The following NEMF variants were observed in gnomAD, a reference collection of about 807,000 sequenced individuals.
NEMF encodes the protein ribosome quality control complex subunit NEMF.
NEMF carries 89 observed loss-of-function variants against 162.2 expected under a neutral mutation model. The observed-to-expected ratio is 0.55, with a 90% CI of 0.46 to 0.65. The LOEUF (loss-of-function observed/expected upper bound fraction) is 0.65, where lower values mean the gene tolerates loss of function less well. NEMF is among the 30% of genes least tolerant of loss of function. The pLI, the probability that NEMF is intolerant of heterozygous loss-of-function variation, is 0.00. For synonymous variants in NEMF, 421 were observed against 404.5 expected, an observed-to-expected ratio of 1.04 and a Z score of -0.49; for missense variants, 1,133 against 1,261.9, an observed-to-expected ratio of 0.90 and a Z score of 1.55.
rs1354889603 is a variant in NEMF at position 49,829,538 on chromosome 14, T to A, written c.946-112A>T. On this transcript the variant is annotated intron_variant, in intron 11 of 32. Transcript: ENST00000298310. Reference sequence around the variant, plus strand: ...GACCCCATCTATGCTGTTATCTAGCTAGCTGAAGTTCCCATAGTCTACCAC... The same window carrying A: ...GACCCCATCTATGCTGTTATCTAGCAAGCTGAAGTTCCCATAGTCTACCAC... The A allele has an allele frequency of 3.5e-6, 3 of 861,386 alleles. No homozygotes were observed. In the Admixed American group the frequency reaches 7.1e-5, roughly 20 times the overall value. 53.4% of individuals were successfully genotyped at this position (861,386 alleles called of 1,614,324 possible). A position where few individuals can be genotyped will look rare whatever the true frequency, so the allele number is the denominator to read the frequency against.
chr14:49,821,998 CTATG>C (rs1372846739), intron 16 of NEMF, among the ~76,000 whole-genome samples: 4 of 152,114 alleles, frequency 2.6e-5, no homozygotes, highest in Admixed American at 1.3e-4. Flanking sequence ...TCCTGTTGAT[CTATG>C]ACCTTACCCC....
At chr14:49,801,597 AACAAT>A (rs1890959130) in intron 22 of NEMF, 1 of 152,198 alleles carries the variant, frequency 6.6e-6, no homozygotes, top group African/African-American at 2.4e-5. Context: ...TAGTAAATGA[AACAAT>A]GCAATATTAC....
At chr14:49,787,021 T>C in intron 28 of NEMF, 2 of 341,778 alleles carry the variant, frequency 5.9e-6, no homozygotes, top group East Asian at 5.0e-5. Context: ...ACTGAAACTT[T>C]CATATAAAGT....
chr14:49,833,517 G>C lies in NEMF; in HGVS notation c.662-21C>G, dbSNP rs200759203. ...AATATCTAATGGTGGGGGAAAAAAA[G>C]GAAAAAAGGAGTGCCAATCAAGTGT... On this transcript the variant is annotated intron_variant, in intron 7 of 32. Coordinates refer to ENST00000298310, the MANE Select transcript of NEMF (RefSeq NM_004713.6). The C allele has an allele frequency of 4.7e-4, 719 of 1,514,944 alleles. 1 individual carries two copies. The highest frequency in any genetic ancestry group is 6.0e-4 in the Non-Finnish European group (669 of 1,110,584). 93.8% of individuals were successfully genotyped at this position (1,514,944 alleles called of 1,614,324 possible). A position where few individuals can be genotyped will look rare whatever the true frequency, so the allele number is the denominator to read the frequency against.
chr14:49,851,717 T>C (rs1566718274), intron 2 of NEMF, 52 bp from the exon 3 acceptor site: 1 of 1,510,168 alleles, frequency 6.6e-7, no homozygotes, highest in East Asian at 2.3e-5. Flanking sequence ...CAAAGCTAAT[T>C]GCTAAACAGG....
rs746208387 is a variant in NEMF at position 49,840,801 on chromosome 14, C to T, written c.423G>A (p.Glu141=). Residue 141 remains glutamate (E), a synonymous_variant, in exon 5 of 33, where the codon GAG becomes GAA. Coordinates refer to ENST00000298310, the MANE Select transcript of NEMF (RefSeq NM_004713.6). ...GAACAGCAAATTTAACATCATCTGCCTCATCAGTTCGAAACCTTAGAATAT... is the reference window on the plus strand; with the variant it reads ...GAACAGCAAATTTAACATCATCTGCTTCATCAGTTCGAAACCTTAGAATAT... The part of the protein sequence containing the change: ...ILNILRFRTD[E]ADDVKFAVRE... 4.3e-6 allele frequency: 7 copies of T among 1,613,694 alleles called. No homozygotes were observed. Among genetic ancestry groups the T allele is most frequent in the Non-Finnish European group, 5.9e-6 (7 of 1,179,664 alleles).
chr14:49,836,688 T>A (rs1224106876), intron 6 of NEMF, among the ~76,000 whole-genome samples: 1 of 151,064 alleles, frequency 6.6e-6, no homozygotes, highest in Non-Finnish European at 1.5e-5. Flanking sequence ...AAAACTCTTT[T>A]GAAAAAAAAA....
At chr14:49,850,442 G>A (rs933469283) in intron 3 of NEMF, among the ~76,000 whole-genome samples, 1 of 152,078 alleles carries the variant, frequency 6.6e-6, no homozygotes, top group African/African-American at 2.4e-5. Context: ...CATGAAGGAG[G>A]TACTATCCAC....
chr14:49,814,054 A>C lies in NEMF; in HGVS notation c.1682-4T>G, dbSNP rs1351647863. On this transcript the variant is annotated splice_polypyrimidine_tract_variant and splice_region_variant and intron_variant, in intron 17 of 32. Transcript: ENST00000298310. ...TCAGCATGTACATAAATGTCTCCTT[A>C]AATACAGACAAATAAAAAATGACAC... The C allele has an allele frequency of 6.7e-7, 1 of 1,490,464 alleles. No individual in the cohort carries two copies. The highest frequency in any genetic ancestry group is 1.4e-5 in the African/African-American group (1 of 72,366). 92.3% of individuals were successfully genotyped at this position (1,490,464 alleles called of 1,614,324 possible). A position where few individuals can be genotyped will look rare whatever the true frequency, so the allele number is the denominator to read the frequency against.
At position 49,789,189 on chromosome 14, in the gene NEMF, T is replaced by C. The variant is rs561516416; in HGVS notation, c.2852A>G (p.His951Arg). 6.2e-7 allele frequency: 1 copy of C among 1,614,202 alleles called. No homozygotes were observed. Among genetic ancestry groups the C allele is most frequent in the Non-Finnish European group, 8.5e-7 (1 of 1,180,020 alleles). The change falls in exon 28 of 33, where the codon CAT (histidine) becomes CGT (arginine). Residue 951 changes from histidine (H) to arginine (R), a missense_variant. Physicochemically the swap from His to Arg is conservative, Grantham distance 29. Coordinates refer to ENST00000298310, the MANE Select transcript of NEMF (RefSeq NM_004713.6). ...KETPFLEVIT[H>R]ELQDFAVDDP... ...ATCTACAGCAAAGTCTTGTAACTCA[T>C]GAGTTATAACCTCAAGGAACGGAGT...
At chr14:49,820,162 G>T in intron 16 of NEMF, 1 of 254,730 alleles carries the variant, frequency 3.9e-6, no homozygotes, top group South Asian at 3.6e-5. Flanking sequence ...TTATTGGCCA[G>T]GCTGGTCTCA....
chr14:49,811,358 T>C (rs1264423658), intron 18 of NEMF, among the ~76,000 whole-genome samples: 1 of 152,220 alleles, frequency 6.6e-6, no homozygotes, highest in Non-Finnish European at 1.5e-5. Context: ...GTAGATTCTT[T>C]AGGTTTTTTA....
intron 19 of NEMF, among the ~76,000 whole-genome samples, chr14:49,804,514 A>G (rs1365632158): frequency 1.3e-5 from 2 of 151,862 alleles, no homozygotes; most frequent in African/African-American, 2.4e-5. Context: ...TGTCTCTACT[A>G]AAATTAGCCA....
intron 28 of NEMF, 40 bp from the exon 29 acceptor site, chr14:49,786,790 G>A (rs1474310607): frequency 3.8e-6 from 6 of 1,584,594 alleles, no homozygotes; most frequent in South Asian, 3.3e-5. Flanking sequence ...CAGCTATAAT[G>A]TAAAATGAAA....
Position 49,852,731 on chromosome 14 carries a change from A to G in NEMF, c.23T>C (p.Ile8Thr). MKSRFST[I>T]DLRAVLAELN... The stretch of plus-strand genomic sequence containing the variant: ...CTCCGCGAGTACGGCGCGGAGGTCA[A>G]TGGTGCTAAAGCGGCTCTTCATGGC... The change falls in exon 1 of 33, where the codon ATT (isoleucine) becomes ACT (threonine). Residue 8 changes from isoleucine (I) to threonine (T), a missense_variant. By Grantham distance (89) the Ile-to-Thr change is moderately conservative (BLOSUM62 -1). Transcript: ENST00000298310. The G allele has an allele frequency of 1.9e-6, 3 of 1,614,226 alleles. No individual in the cohort carries two copies. Among genetic ancestry groups the G allele is most frequent in the Non-Finnish European group, 2.5e-6 (3 of 1,180,046 alleles).
intron 5 of NEMF, 132 bp from the exon 6 acceptor site, chr14:49,838,338 TC>T: frequency 1.5e-6 from 1 of 670,430 alleles, no homozygotes; most frequent in Non-Finnish European, 2.5e-6. Flanking sequence ...AGGAATTCAT[TC>T]TTCTGTTGTG....
chr14:49,846,396 T>C (rs1893504026), intron 3 of NEMF, 131 bp from the exon 4 acceptor site: 5 of 768,180 alleles, frequency 6.5e-6, no homozygotes, highest in Admixed American at 2.7e-5. Context: ...AGTATAGTCA[T>C]AAAGTAATAG....
intron 17 of NEMF, among the ~76,000 whole-genome samples, 176 bp downstream of exon 17, chr14:49,814,578 A>C (rs1490683871): frequency 6.6e-6 from 1 of 152,260 alleles, no homozygotes; most frequent in African/African-American, 2.4e-5. Context: ...ATATTCACTT[A>C]AGAACTAAAA....
At chr14:49,799,434 G>T in intron 25 of NEMF, 41 bp downstream of exon 25, 1 of 1,519,232 alleles carries the variant, frequency 6.6e-7, no homozygotes, top group South Asian at 1.2e-5. Context: ...AAAAAAAAAA[G>T]AAAAACATGC....
Sources: gnomAD v4.1 joint callset for allele counts (sites outside exome capture counted in the v4.1 genomes callset) on GRCh38, gnomAD v4.1.1 for gene constraint, MANE v1.5 for transcripts, NCBI Gene and HGNC (gene_info 2026-07-23, HGNC 2026-07-21) for gene names.